Variants in BMERB1 observed in about 807,000 individuals in gnomAD.
The protein encoded by BMERB1 is bMERB domain containing 1.
Under a neutral mutation model 23.6 loss-of-function variants are expected in BMERB1, and 12 were observed. The ratio of observed to expected loss-of-function variants is 0.51; its 90% confidence interval spans 0.33 to 0.82. BMERB1 has a LOEUF of 0.82. Among genes scored for constraint, BMERB1 ranks in the 40% least tolerant of loss-of-function variants. BMERB1 has a pLI of 0.03. For synonymous variants in BMERB1, 122 were observed against 96.6 expected (o/e 1.26, Z -1.54); for missense variants, 247 against 255.4 (o/e 0.97, Z 0.22).
intron 1 of BMERB1, among the ~76,000 whole-genome samples, chr16:15,488,301 A>G (rs192272527): frequency 6.6e-5 from 10 of 152,310 alleles, no homozygotes; most frequent in Admixed American, 6.5e-4. Flanking sequence ...CCCCCCGTCC[A>G]AATATTCACA....
intron 1 of BMERB1, among the ~76,000 whole-genome samples, chr16:15,511,896 C>T (rs978263342): frequency 1.3e-5 from 2 of 151,354 alleles, no homozygotes; most frequent in African/African-American, 4.8e-5. Flanking sequence ...GCCTGTAGAT[C>T]CACATACTTG....
intron 1 of BMERB1, among the ~76,000 whole-genome samples, chr16:15,463,981 A>G (rs114048419): frequency 0.015 from 2,208 of 152,246 alleles, 57 homozygotes; most frequent in African/African-American, 0.052. Flanking sequence ...AATTTGGGGC[A>G]ACTCCATAGA....
chr16:15,576,937 C>T (rs2030877650), intron 3 of BMERB1, among the ~76,000 whole-genome samples: 1 of 152,154 alleles, frequency 6.6e-6, no homozygotes, highest in Non-Finnish European at 1.5e-5. Flanking sequence ...GAATTCCGGC[C>T]TGTGGCAGAC....
chr16:15,529,111 G>A (rs2051941588), intron 2 of BMERB1, among the ~76,000 whole-genome samples: 3 of 152,226 alleles, frequency 2.0e-5, no homozygotes, highest in African/African-American at 7.2e-5. Context: ...TGCAAGCTCT[G>A]CCTCCCAGGT....
At chr16:15,480,489 C>T (rs535711522) in intron 1 of BMERB1, among the ~76,000 whole-genome samples, 6 of 151,696 alleles carry the variant, frequency 4.0e-5, no homozygotes, top group Admixed American at 6.6e-5. Flanking sequence ...CCTATCCCTA[C>T]TAATTTGTAA....
At chr16:15,455,406 C>G (rs2051077973) in intron 1 of BMERB1, among the ~76,000 whole-genome samples, 1 of 151,440 alleles carries the variant, frequency 6.6e-6, no homozygotes, top group Non-Finnish European at 1.5e-5. Context: ...TCCAGCCATC[C>G]TGGTTTGCCT....
chr16:15,465,120 C>T (rs2051169764), intron 1 of BMERB1, among the ~76,000 whole-genome samples: 1 of 152,078 alleles, frequency 6.6e-6, no homozygotes. Flanking sequence ...CACACACACA[C>T]ATACACACAC....
At chr16:15,488,143 C>T (rs2051383397) in intron 1 of BMERB1, among the ~76,000 whole-genome samples, 1 of 152,148 alleles carries the variant, frequency 6.6e-6, no homozygotes, top group African/African-American at 2.4e-5. Flanking sequence ...TGGTCTCTGT[C>T]CCAGCTACTC....
chr16:15,536,889 A>G (rs1050209276), intron 2 of BMERB1: 7 of 152,216 alleles, frequency 4.6e-5, no homozygotes, highest in African/African-American at 1.4e-4. Flanking sequence ...TAGATGACTC[A>G]TCTTCTTAAT....
chr16:15,515,153 G>A (rs2051731431), intron 1 of BMERB1, 152 bp from the exon 2 acceptor site: 2 of 964,938 alleles, frequency 2.1e-6, no homozygotes. Flanking sequence ...CAAAGGGTGT[G>A]CTCACGAATA....
chr16:15,489,749 C>T (rs896138085), intron 1 of BMERB1, among the ~76,000 whole-genome samples: 1 of 152,166 alleles, frequency 6.6e-6, no homozygotes, highest in Non-Finnish European at 1.5e-5. Context: ...GCTCCTCCCA[C>T]GCCACAGAGT....
At chr16:15,434,828 C>T (rs2050873091) in intron 1 of BMERB1, 69 bp downstream of exon 1, 10 of 1,379,860 alleles carry the variant, frequency 7.2e-6, no homozygotes, top group Non-Finnish European at 9.7e-6. Context: ...CGGGTGGTCG[C>T]GGGAGCGCGA....
chr16:15,537,048 G>T (rs991053541), intron 2 of BMERB1: 12 of 152,180 alleles, frequency 7.9e-5, no homozygotes, highest in African/African-American at 2.4e-4. Flanking sequence ...ATGTGTGTTT[G>T]TGGTCTCCCG....
At chr16:15,509,418 T>C (rs1308729504) in intron 1 of BMERB1, among the ~76,000 whole-genome samples, 1 of 152,106 alleles carries the variant, frequency 6.6e-6, no homozygotes. Flanking sequence ...CAAGTCACTT[T>C]CCTTCTCTAA....
chr16:15,488,541 A>G (rs1298191833), intron 1 of BMERB1, among the ~76,000 whole-genome samples: 1 of 151,894 alleles, frequency 6.6e-6, no homozygotes, highest in African/African-American at 2.4e-5. Context: ...AAAGATACAT[A>G]GTATTTGTGG....
intron 2 of BMERB1, among the ~76,000 whole-genome samples, chr16:15,536,218 C>A (rs2150961226): frequency 6.6e-6 from 1 of 152,210 alleles, no homozygotes; most frequent in Non-Finnish European, 1.5e-5. Flanking sequence ...GACAGAGGGG[C>A]CACAGAGGTT....
In BMERB1 at chr16:15,586,966, T is replaced by TG. The variant is rs2031163954; in HGVS notation, c.*140dup. 6 of 644,626 alleles carry TG rather than the reference T, an allele frequency of 9.3e-6. No individual in the cohort carries two copies. Among genetic ancestry groups the TG allele is most frequent in the Non-Finnish European group, 1.6e-5 (6 of 373,106 alleles). The allele number at this position is 644,626 out of a possible 1,614,324, so 39.9% of individuals were successfully genotyped here. A position where few individuals can be genotyped will look rare whatever the true frequency, so the allele number is the denominator to read the frequency against. ...AGCCCGTGACTGTCACCAGAGGCCA[T>TG]GGGCACGGCAGGCGGGCCTGGCCAC... On this transcript the variant is annotated 3_prime_UTR_variant, in exon 6 of 6. Coordinates refer to ENST00000300006, the MANE Select transcript of BMERB1 (RefSeq NM_033201.3).
intron 1 of BMERB1, among the ~76,000 whole-genome samples, chr16:15,489,444 C>T (rs2051398329): frequency 6.6e-6 from 1 of 152,138 alleles, no homozygotes; most frequent in Non-Finnish European, 1.5e-5. Flanking sequence ...ATTCCCCTCG[C>T]AGGTTCCAGC....
At chr16:15,493,697 C>A (rs755672330) in intron 1 of BMERB1, among the ~76,000 whole-genome samples, 2 of 151,880 alleles carry the variant, frequency 1.3e-5, no homozygotes, top group Admixed American at 1.3e-4. Context: ...CTGCGTCCCC[C>A]CTCCGCAGAC....
Sources: allele counts gnomAD v4.1 joint callset (sites outside exome capture counted in the v4.1 genomes callset), GRCh38; gene constraint gnomAD v4.1.1; transcripts MANE v1.5; gene names NCBI Gene and HGNC (gene_info 2026-07-23, HGNC 2026-07-21).